Variants in UBE2D2 observed in about 807,000 individuals in gnomAD.
UBE2D2 encodes ubiquitin-conjugating enzyme E2 D2.
Under a neutral mutation model 24.2 loss-of-function variants are expected in UBE2D2, and 2 were observed. The ratio of observed to expected loss-of-function variants is 0.08; its 90% CI spans 0.03 to 0.26. The LOEUF is 0.26. Ranked by LOEUF, UBE2D2 falls within the 10% of genes least tolerant of loss-of-function variation. The probability of loss-of-function intolerance (pLI) is 1.00; values close to 1 mark genes in which losing one functional copy is unlikely to be tolerated. For synonymous variants in UBE2D2, 58 were observed against 56.5 expected (o/e 1.03, Z -0.12); for missense variants, 44 against 177.6 (o/e 0.25, Z 4.28).
intron 5 of UBE2D2, among the ~76,000 whole-genome samples, chr5:139,620,068 C>CT (rs1754486496): frequency 6.6e-6 from 1 of 152,200 alleles, no homozygotes; most frequent in East Asian, 1.9e-4. Flanking sequence ...CATGAGAACT[C>CT]TATCACAAGA....
intron 1 of UBE2D2, among the ~76,000 whole-genome samples, chr5:139,582,491 G>A (rs1374416625): frequency 1.1e-4 from 16 of 151,928 alleles, no homozygotes; most frequent in Admixed American, 6.6e-4. Flanking sequence ...GATTACAGGC[G>A]TGAGCCACTG....
intron 1 of UBE2D2, among the ~76,000 whole-genome samples, chr5:139,582,653 G>A (rs936134266): frequency 6.7e-6 from 1 of 149,696 alleles, no homozygotes; most frequent in Non-Finnish European, 1.5e-5. Flanking sequence ...ATTTCGAAGC[G>A]ATTTAGATTC....
At chr5:139,614,238 T>C (rs1754380852) in intron 2 of UBE2D2, among the ~76,000 whole-genome samples, 1 of 152,126 alleles carries the variant, frequency 6.6e-6, no homozygotes. Context: ...TTTTTTGTTT[T>C]TGTTTTTGAG....
At chr5:139,619,820 G>A (rs1177323797) in intron 5 of UBE2D2, among the ~76,000 whole-genome samples, 2 of 151,712 alleles carry the variant, frequency 1.3e-5, no homozygotes, top group African/African-American at 2.4e-5. Flanking sequence ...CTGGGATCGC[G>A]CCATTGCACT....
At chr5:139,600,499 A>C in intron 2 of UBE2D2, 64 bp downstream of exon 2, 2 of 1,546,336 alleles carry the variant, frequency 1.3e-6, no homozygotes, top group Non-Finnish European at 1.8e-6. Flanking sequence ...TGAAGAAACA[A>C]TTATGGTATA....
intron 1 of UBE2D2, among the ~76,000 whole-genome samples, chr5:139,553,541 G>A (rs1427206306): frequency 6.6e-6 from 1 of 152,142 alleles, no homozygotes; most frequent in Non-Finnish European, 1.5e-5. Context: ...ACCAAGAGGG[G>A]AGATCAAACT....
In UBE2D2 at chr5:139,623,396, T is replaced by C; in HGVS notation, c.333T>C (p.Cys111=). 6.2e-7 allele frequency: 1 copy of C among 1,605,880 alleles called. No homozygotes were observed. The highest frequency in any genetic ancestry group is 8.5e-7 in the Non-Finnish European group (1 of 1,173,632). ...TCTTGTCCATCTGTTCTCTGTTGTG[T>C]GATCCCAATCCAGATGATCCTTTAG... is the stretch of plus-strand genomic sequence containing the variant. ...KVLLSICSLL[C]DPNPDDPLVP... Residue 111 remains cysteine (C), a synonymous_variant, in exon 6 of 7, where the codon TGT becomes TGC. Coordinates refer to ENST00000398733, the MANE Select transcript of UBE2D2 (RefSeq NM_003339.3).
upstream of UBE2D2, among the ~76,000 whole-genome samples, chr5:139,558,778 T>C (rs1475295585): frequency 6.6e-6 from 1 of 152,114 alleles, no homozygotes; most frequent in Non-Finnish European, 1.5e-5. Flanking sequence ...TTCCTTTACT[T>C]ATAGGTATGT....
rs530308614 is a variant in UBE2D2 at position 139,598,075 on chromosome 5, A to G, written c.25-2297A>G. On this transcript the variant is annotated intron_variant, in intron 1 of 6. Transcript: ENST00000398733. Reference sequence around the variant, plus strand: ...CGCCACCATGCCTGGCTAATTTTTTATATTTTTAGTAGAGATGGGGTTTCA... The same window carrying G: ...CGCCACCATGCCTGGCTAATTTTTTGTATTTTTAGTAGAGATGGGGTTTCA... Among the ~76,000 whole-genome samples the G allele has an allele frequency of 8.7e-4, 132 of 151,808 alleles. 1 individual carries two copies. The highest frequency in any genetic ancestry group is 3.1e-3 in the African/African-American group (128 of 41,428).
chr5:139,621,303 A>G (rs149594183), intron 5 of UBE2D2, among the ~76,000 whole-genome samples: 2 of 152,354 alleles, frequency 1.3e-5, no homozygotes, highest in African/African-American at 4.8e-5. Flanking sequence ...ACAGATTTGA[A>G]CAAAGGAAAT....
intron 1 of UBE2D2, among the ~76,000 whole-genome samples, chr5:139,571,983 C>T (rs1370356252): frequency 6.6e-6 from 1 of 151,598 alleles, no homozygotes; most frequent in Non-Finnish European, 1.5e-5. Context: ...TCCATAAGAG[C>T]TACTTCCTTC....
intron 1 of UBE2D2, among the ~76,000 whole-genome samples, chr5:139,553,870 C>T (rs1363893307): frequency 6.6e-6 from 1 of 152,094 alleles, no homozygotes; most frequent in Non-Finnish European, 1.5e-5. Context: ...ACCTCTGCCT[C>T]CCAGGTTTAA....
intron 1 of UBE2D2, among the ~76,000 whole-genome samples, chr5:139,570,554 C>T (rs1753333938): frequency 6.6e-6 from 1 of 152,056 alleles, no homozygotes; most frequent in African/African-American, 2.4e-5. Context: ...CTCTGACGCC[C>T]AGGCTGGAGT....
At chr5:139,568,075 C>T (rs1342860395) in intron 1 of UBE2D2, among the ~76,000 whole-genome samples, 1 of 152,118 alleles carries the variant, frequency 6.6e-6, no homozygotes, top group African/African-American at 2.4e-5. Context: ...GGTGCGGTGG[C>T]TTATGCCTGT....
chr5:139,594,575 G>T (rs149133266), intron 1 of UBE2D2, among the ~76,000 whole-genome samples: 2 of 151,776 alleles, frequency 1.3e-5, no homozygotes, highest in African/African-American at 4.8e-5. Flanking sequence ...CACCACACCC[G>T]ACTAATTTTT....
intron 1 of UBE2D2, among the ~76,000 whole-genome samples, chr5:139,563,909 T>A (rs2126648302): frequency 1.3e-5 from 2 of 151,838 alleles, no homozygotes; most frequent in South Asian, 4.2e-4. Context: ...CACTCCAGCC[T>A]GGGCCACAGG....
chr5:139,541,578 C>A (rs1264016602), intron 1 of UBE2D2, among the ~76,000 whole-genome samples: 1 of 144,176 alleles, frequency 6.9e-6, no homozygotes. Flanking sequence ...CCAGCCTGGG[C>A]CACAGAGCTA....
chr5:139,619,636 C>T (rs1235174250), intron 5 of UBE2D2, among the ~76,000 whole-genome samples: 2 of 151,946 alleles, frequency 1.3e-5, no homozygotes, highest in African/African-American at 4.8e-5. Flanking sequence ...GGCCGAGATG[C>T]GCAGATCACT....
At chr5:139,603,208 G>A (rs935240516) in intron 2 of UBE2D2, among the ~76,000 whole-genome samples, 3 of 152,152 alleles carry the variant, frequency 2.0e-5, no homozygotes, top group African/African-American at 4.8e-5. Flanking sequence ...TTAATTAAAA[G>A]TGGTTGGAGT....
Sources: allele counts gnomAD v4.1 joint callset (sites outside exome capture counted in the v4.1 genomes callset), GRCh38; gene constraint gnomAD v4.1.1; transcripts MANE v1.5; gene names NCBI Gene and HGNC (gene_info 2026-07-23, HGNC 2026-07-21).